Variants in DLGAP2 observed in about 807,000 individuals in gnomAD.
DLGAP2 encodes disks large-associated protein 2.
DLGAP2 carries 26 observed loss-of-function variants against 100.3 expected under a neutral mutation model. The ratio of observed to expected loss-of-function variants is 0.26; its 90% CI spans 0.19 to 0.36. The LOEUF is 0.36. DLGAP2 is among the 10% of genes least tolerant of loss of function. DLGAP2 has a pLI of 1.00. For missense variants in DLGAP2, 1,858 were observed against 1,453.2 expected (o/e 1.28, Z -4.53); for synonymous variants, 886 against 630.1 (o/e 1.41, Z -6.08).
At chr8:897,318 T>C (rs776599824) in intron 1 of DLGAP2, among the ~76,000 whole-genome samples, 1 of 152,222 alleles carries the variant, frequency 6.6e-6, no homozygotes. Context: ...GCTGGATGCA[T>C]GTTTTAAATA....
intron 2 of DLGAP2, among the ~76,000 whole-genome samples, chr8:1,150,363 T>A (rs2129051458): frequency 6.6e-6 from 1 of 152,338 alleles, no homozygotes; most frequent in South Asian, 2.1e-4. Flanking sequence ...AAATCTTACG[T>A]TTCTTTGGCT....
intron 2 of DLGAP2, among the ~76,000 whole-genome samples, chr8:1,102,631 C>G (rs1563193000): frequency 6.6e-6 from 1 of 152,166 alleles, no homozygotes; most frequent in Non-Finnish European, 1.5e-5. Flanking sequence ...TGTTATCTCC[C>G]CACTGGGCCT....
At chr8:1,527,996 T>G (rs1800851220) in intron 4 of DLGAP2, among the ~76,000 whole-genome samples, 1 of 152,142 alleles carries the variant, frequency 6.6e-6, no homozygotes, top group Non-Finnish European at 1.5e-5. Context: ...GTTATGACAC[T>G]TCAGCTAAAA....
At chr8:1,099,259 A>C (rs988140516) in intron 2 of DLGAP2, among the ~76,000 whole-genome samples, 1 of 152,174 alleles carries the variant, frequency 6.6e-6, no homozygotes, top group Admixed American at 6.5e-5. Flanking sequence ...CTGAGAGTTA[A>C]TATTTCTGTC....
intron 3 of DLGAP2, among the ~76,000 whole-genome samples, chr8:1,476,423 C>G (rs139108828): frequency 2.3e-4 from 35 of 152,310 alleles, no homozygotes; most frequent in African/African-American, 8.4e-4. Flanking sequence ...CTCTACACTC[C>G]AAGGGCGTCA....
chr8:777,889 G>A (rs933873903), intron 1 of DLGAP2, among the ~76,000 whole-genome samples: 4 of 152,048 alleles, frequency 2.6e-5, no homozygotes, highest in Admixed American at 2.6e-4. Context: ...GAATCTGAAC[G>A]TCGGCCTGCC....
intron 3 of DLGAP2, among the ~76,000 whole-genome samples, chr8:1,391,478 A>T (rs1294326300): frequency 1.3e-5 from 2 of 152,098 alleles, no homozygotes; most frequent in Non-Finnish European, 2.9e-5. Context: ...AAAGTGAGGG[A>T]TGATGAAAAA....
chr8:821,886 C>T (rs1051975812), intron 1 of DLGAP2, among the ~76,000 whole-genome samples: 3 of 152,246 alleles, frequency 2.0e-5, no homozygotes, highest in African/African-American at 7.2e-5. Flanking sequence ...ACACAGCGTG[C>T]CATTCCACGG....
chr8:1,242,469 C>T (rs1359408646), intron 2 of DLGAP2, among the ~76,000 whole-genome samples: 2 of 152,224 alleles, frequency 1.3e-5, no homozygotes, highest in African/African-American at 4.8e-5. Flanking sequence ...TCACTTGTTT[C>T]TTATGAAATG....
intron 3 of DLGAP2, among the ~76,000 whole-genome samples, chr8:1,419,910 A>T (rs1797042628): frequency 6.6e-6 from 1 of 152,348 alleles, no homozygotes; most frequent in East Asian, 1.9e-4. Flanking sequence ...AGGAGATGGA[A>T]TCGACCTGAG....
intron 3 of DLGAP2, among the ~76,000 whole-genome samples, chr8:1,353,652 T>C (rs1801784922): frequency 6.6e-6 from 1 of 152,172 alleles, no homozygotes; most frequent in Non-Finnish European, 1.5e-5. Flanking sequence ...ATGATAAAAA[T>C]AGAGGCAAAT....
At chr8:1,309,695 A>G (rs909945751) in intron 3 of DLGAP2, among the ~76,000 whole-genome samples, 1 of 152,230 alleles carries the variant, frequency 6.6e-6, no homozygotes, top group Non-Finnish European at 1.5e-5. Flanking sequence ...CAACAAGATT[A>G]TGTATTTGGT....
At chr8:1,025,681 G>T (rs1308185412) in intron 2 of DLGAP2, among the ~76,000 whole-genome samples, 1 of 152,072 alleles carries the variant, frequency 6.6e-6, no homozygotes, top group East Asian at 1.9e-4. Context: ...GCCTGGCTCT[G>T]ATAAAGTGCT....
chr8:1,474,504 G>C (rs1798881270), intron 3 of DLGAP2, among the ~76,000 whole-genome samples: 1 of 152,176 alleles, frequency 6.6e-6, no homozygotes, highest in African/African-American at 2.4e-5. Context: ...CAGCAGTGCA[G>C]AAGTGTTTCC....
intron 3 of DLGAP2, among the ~76,000 whole-genome samples, chr8:1,430,037 C>CATATAT (rs1797380289): frequency 3.5e-5 from 1 of 28,524 alleles, no homozygotes; most frequent in African/African-American, 7.9e-5. Context: ...TACACACACA[C>CATATAT]ACATATGAAC....
chr8:1,021,706 T>A (rs917499984), intron 2 of DLGAP2, among the ~76,000 whole-genome samples: 4 of 152,164 alleles, frequency 2.6e-5, no homozygotes, highest in African/African-American at 9.7e-5. Flanking sequence ...AGTACTTCCC[T>A]GGGAAAGGTG....
rs1250329229 is a variant in DLGAP2, at chr8:1,449,065, CA to C, written c.107-52300del. 2.0e-5 allele frequency among the ~76,000 whole-genome samples: 3 copies of C among 152,256 alleles called. No homozygotes were observed. The East Asian group carries it at 5.8e-4, about 30-fold the overall frequency. On this transcript the variant is annotated intron_variant, in intron 3 of 14. Coordinates refer to ENST00000637795, the MANE Select transcript of DLGAP2 (RefSeq NM_001346810.2). ...TCAGGGACGGCACATCCCGGCCCCC[CA>C]GAGCAGCTCTGGGAATGCCTCGTGC...
rs534572102 is a variant in DLGAP2, at chr8:1,666,101, C to A, written c.1811-2228C>A. 2.4e-4 allele frequency among the ~76,000 whole-genome samples: 37 copies of A among 152,338 alleles called. No homozygotes were observed. The South Asian group carries it at 7.5e-3, about 31-fold the overall frequency. ...AAACGAAATATTTCCTAACCCAGGTCTCTCCCCGGCACTACTGGCCTTTGG... is the reference window on the plus strand; with the variant it reads ...AAACGAAATATTTCCTAACCCAGGTATCTCCCCGGCACTACTGGCCTTTGG... On this transcript the variant is annotated intron_variant, in intron 8 of 14. Transcript: ENST00000637795.
intron 2 of DLGAP2, among the ~76,000 whole-genome samples, chr8:1,139,937 G>C (rs2129050345): frequency 1.3e-5 from 2 of 152,312 alleles, no homozygotes; most frequent in Middle Eastern, 6.8e-3. Flanking sequence ...GCTGGTATTT[G>C]GCAGAGCGAG....
Sources: allele counts gnomAD v4.1 joint callset (sites outside exome capture counted in the v4.1 genomes callset), GRCh38; gene constraint gnomAD v4.1.1; transcripts MANE v1.5; gene names NCBI Gene and HGNC (gene_info 2026-07-23, HGNC 2026-07-21).